GREM2: variants seen among roughly 807,000 people sequenced by gnomAD.
The protein encoded by GREM2 is gremlin-2.
A neutral mutation model predicts 14.2 loss-of-function variants in GREM2; 11 were observed. That is an observed-to-expected ratio of 0.78 (90% CI 0.49 to 1.28). The LOEUF is 1.28. Ranked by LOEUF, GREM2 falls within the 50% of genes most tolerant of loss-of-function variation. The pLI, the probability that GREM2 is intolerant of heterozygous loss-of-function variation, is 0.00. For missense variants in GREM2, 210 were observed against 218.5 expected (o/e 0.96, Z 0.24); for synonymous variants, 98 against 97.6 (o/e 1.00, Z -0.02).
Position 240,543,320 on chromosome 1 carries a change from G to GT in GREM2, c.-1-49845dup, listed in dbSNP as rs1678641500. On this transcript the variant is annotated intron_variant, in intron 1 of 1. Coordinates refer to ENST00000318160, the MANE Select transcript of GREM2 (RefSeq NM_022469.4). This position sits in a 1 kb window ranked among gnomAD's most constrained non-coding sequence, Gnocchi z 6.4. Reference sequence around the variant, plus strand: ...ACTGTGTAATTTATAAAGAAAAGAGGTTTAATTTACTCACAGTTCCACATG... The same window carrying GT: ...ACTGTGTAATTTATAAAGAAAAGAGGTTTTAATTTACTCACAGTTCCACATG... Among the ~76,000 whole-genome samples, 1 of 152,168 alleles carries GT rather than the reference G, an allele frequency of 6.6e-6. No homozygotes were observed. Among genetic ancestry groups the GT allele is most frequent in the Non-Finnish European group, 1.5e-5 (1 of 68,042 alleles).
intron 1 of GREM2, among the ~76,000 whole-genome samples, chr1:240,495,359 A>G (rs1677385152): frequency 6.6e-6 from 1 of 152,072 alleles, no homozygotes; most frequent in South Asian, 2.1e-4. Flanking sequence ...CATCATATGT[A>G]TCATATAGTA....
chr1:240,551,900 C>T (rs900952763), intron 1 of GREM2, among the ~76,000 whole-genome samples: 1 of 152,122 alleles, frequency 6.6e-6, no homozygotes, highest in Non-Finnish European at 1.5e-5. Flanking sequence ...ATTATGCCAA[C>T]CTTCCTTACA....
intron 1 of GREM2, among the ~76,000 whole-genome samples, chr1:240,578,485 A>C (rs1408715042): frequency 6.6e-6 from 1 of 151,908 alleles, no homozygotes; most frequent in Non-Finnish European, 1.5e-5. Flanking sequence ...TAGTTTGCTC[A>C]TCTAAAACAT....
intron 1 of GREM2, among the ~76,000 whole-genome samples, chr1:240,580,183 G>C (rs772445610): frequency 1.2e-4 from 18 of 152,086 alleles, no homozygotes; most frequent in Non-Finnish European, 2.1e-4. Flanking sequence ...TTGAGCCCAG[G>C]AGTTCGAGAC....
chr1:240,537,655 C>T (rs1049245953), intron 1 of GREM2, among the ~76,000 whole-genome samples: 20 of 152,002 alleles, frequency 1.3e-4, no homozygotes, highest in East Asian at 7.7e-4. Context: ...CATGGTGGCG[C>T]GTGCCTGTAA....
chr1:240,568,942 T>A (rs1488223225), intron 1 of GREM2, among the ~76,000 whole-genome samples: 1 of 152,102 alleles, frequency 6.6e-6, no homozygotes, highest in Non-Finnish European at 1.5e-5. Context: ...TCCCAGCTAA[T>A]TGGGAGGCTG....
chr1:240,602,587 G>A (rs906568139), intron 1 of GREM2, among the ~76,000 whole-genome samples: 2 of 152,154 alleles, frequency 1.3e-5, no homozygotes, highest in Admixed American at 6.5e-5. Context: ...GGGAGGCCGA[G>A]GCAGGAGGAT....
At chr1:240,537,988 T>TA in intron 1 of GREM2, among the ~76,000 whole-genome samples, 1 of 152,348 alleles carries the variant, frequency 6.6e-6, no homozygotes, top group South Asian at 2.1e-4. Context: ...CATGCCCATT[T>TA]AAAAAACCCG....
At chr1:240,563,179 A>G (rs1679106877) in intron 1 of GREM2, among the ~76,000 whole-genome samples, 1 of 149,522 alleles carries the variant, frequency 6.7e-6, no homozygotes, top group African/African-American at 2.5e-5. Flanking sequence ...GAGTGTGTGT[A>G]TGTGTACGTG....
At chr1:240,527,447 C>T (rs915920999) in intron 1 of GREM2, among the ~76,000 whole-genome samples, 7 of 152,048 alleles carry the variant, frequency 4.6e-5, no homozygotes, top group African/African-American at 1.4e-4. Context: ...TCAGATTTTA[C>T]AAAAATACCT....
chr1:240,513,575 C>CAAAAAA (rs5782148), intron 1 of GREM2, among the ~76,000 whole-genome samples: 1 of 110,938 alleles, frequency 9.0e-6, no homozygotes, highest in Non-Finnish European at 1.9e-5. Flanking sequence ...ACTCCATCTA[C>CAAAAAA]AAAAAAAAAA....
chr1:240,572,954 T>G (rs1679287434), intron 1 of GREM2, among the ~76,000 whole-genome samples: 1 of 152,122 alleles, frequency 6.6e-6, no homozygotes, highest in South Asian at 2.1e-4. Context: ...CTCTTTAATT[T>G]TAAAGTAGAA....
At chr1:240,508,767 T>A (rs1392100474) in intron 1 of GREM2, among the ~76,000 whole-genome samples, 1 of 152,194 alleles carries the variant, frequency 6.6e-6, no homozygotes, top group Non-Finnish European at 1.5e-5. Flanking sequence ...GATCTCAAAC[T>A]TCATTATGAA....
At chr1:240,550,145 C>T (rs1678817170) in intron 1 of GREM2, 1 of 152,228 alleles carries the variant, frequency 6.6e-6, no homozygotes, top group Non-Finnish European at 1.5e-5. Context: ...GCCATAGCCT[C>T]CCAAGTAGCT....
chr1:240,572,227 G>A (rs1000922681), intron 1 of GREM2, among the ~76,000 whole-genome samples: 1 of 152,038 alleles, frequency 6.6e-6, no homozygotes, highest in African/African-American at 2.4e-5. Context: ...CTGAATATTC[G>A]GACAAATCCT....
At chr1:240,573,816 C>T (rs967905226) in intron 1 of GREM2, among the ~76,000 whole-genome samples, 1 of 152,150 alleles carries the variant, frequency 6.6e-6, no homozygotes, top group Non-Finnish European at 1.5e-5. Context: ...CCTTCCATAG[C>T]CTGAGTTGCG....
At chr1:240,574,790 G>A (rs1679327842) in intron 1 of GREM2, among the ~76,000 whole-genome samples, 1 of 152,020 alleles carries the variant, frequency 6.6e-6, no homozygotes, top group Non-Finnish European at 1.5e-5. Flanking sequence ...AAGATATATT[G>A]ACAGACAAGT....
intron 1 of GREM2, among the ~76,000 whole-genome samples, chr1:240,495,391 A>T (rs189737613): frequency 3.9e-5 from 6 of 152,286 alleles, no homozygotes; most frequent in Admixed American, 2.0e-4. Flanking sequence ...ATCAGTTGTT[A>T]TATTTATCAA....
At chr1:240,495,373 T>C (rs1431361833) in intron 1 of GREM2, among the ~76,000 whole-genome samples, 1 of 151,522 alleles carries the variant, frequency 6.6e-6, no homozygotes, top group Non-Finnish European at 1.5e-5. Context: ...TATAGTAATA[T>C]AGTATATATC....
Sources: allele counts gnomAD v4.1 joint callset (sites outside exome capture counted in the v4.1 genomes callset), GRCh38; gene constraint gnomAD v4.1.1; non-coding constraint Gnocchi (gnomAD v3.1); transcripts MANE v1.5; gene names NCBI Gene and HGNC (gene_info 2026-07-23, HGNC 2026-07-21).